ASIC2: variants seen among roughly 807,000 people sequenced by gnomAD.
The protein encoded by ASIC2 is acid sensing ion channel subunit 2.
Under a neutral mutation model 57.3 loss-of-function variants are expected in ASIC2, and 25 were observed. That is an observed-to-expected ratio of 0.44 (90% confidence interval 0.32 to 0.61). The LOEUF is 0.61. Among genes scored for constraint, ASIC2 ranks in the 20% least tolerant of loss-of-function variants. ASIC2 has a pLI of 0.06. For synonymous variants in ASIC2, 319 were observed against 307.5 expected, an observed-to-expected ratio of 1.04 and a Z score of -0.39; for missense variants, 641 against 738.1, an observed-to-expected ratio of 0.87 and a Z score of 1.52.
chr17:33,691,834 T>G (rs1388015608), intron 1 of ASIC2, among the ~76,000 whole-genome samples: 3 of 152,286 alleles, frequency 2.0e-5, no homozygotes, highest in African/African-American at 7.2e-5. Context: ...TGTGTGTGTG[T>G]GTGTCTGTGT....
At chr17:34,095,633 T>TTATATA (rs796194067) in intron 1 of ASIC2, among the ~76,000 whole-genome samples, 25 of 98,164 alleles carry the variant, frequency 2.5e-4, no homozygotes, top group African/African-American at 7.5e-4. Flanking sequence ...ATATATAATT[T>TTATATA]TATATATATA....
rs180893148 is a variant in ASIC2, at chr17:33,727,368, C to T, written c.555+428610G>A. Among the ~76,000 whole-genome samples, 400 of 152,264 alleles carry T rather than the reference C, an allele frequency of 2.6e-3. 1 individual carries two copies. The highest frequency in any genetic ancestry group is 9.2e-3 in the African/African-American group (381 of 41,546). The stretch of plus-strand genomic sequence containing the variant: ...TCAGTTTTACAACAACAGCTATCAG[C>T]AGAAAGAAGTATAAATGGTCCGATT... On this transcript the variant is annotated intron_variant, in intron 1 of 9. Transcript: ENST00000359872.
chr17:33,859,379 G>A (rs1004252242), intron 1 of ASIC2, among the ~76,000 whole-genome samples: 37 of 152,142 alleles, frequency 2.4e-4, no homozygotes, highest in African/African-American at 8.9e-4. Flanking sequence ...AAGAAAGGAG[G>A]AAATGAGGAA....
chr17:33,486,845 A>C (rs1913590504), intron 1 of ASIC2, among the ~76,000 whole-genome samples: 1 of 152,090 alleles, frequency 6.6e-6, no homozygotes, highest in Non-Finnish European at 1.5e-5. Context: ...TGTTGTTCTG[A>C]AGACAGGAGG....
chr17:33,589,478 C>A (rs1904757944), intron 1 of ASIC2, among the ~76,000 whole-genome samples: 1 of 152,180 alleles, frequency 6.6e-6, no homozygotes. Context: ...AACCACTCAT[C>A]ATCCCAGACA....
intron 1 of ASIC2, among the ~76,000 whole-genome samples, chr17:33,341,265 C>T (rs320640): frequency 0.47 from 72,075 of 151,980 alleles, 17,839 homozygotes; most frequent in South Asian, 0.61. Context: ...TTAACATGAA[C>T]GCTTTCCCCA....
intron 1 of ASIC2, among the ~76,000 whole-genome samples, chr17:33,277,775 C>T (rs1904764850): frequency 6.6e-6 from 1 of 152,126 alleles, no homozygotes; most frequent in African/African-American, 2.4e-5. Flanking sequence ...GCAGTTTTTT[C>T]CCATTCACTT....
chr17:33,949,042 C>T (rs1399555958), intron 1 of ASIC2, among the ~76,000 whole-genome samples: 1 of 151,996 alleles, frequency 6.6e-6, no homozygotes, highest in African/African-American at 2.4e-5. Flanking sequence ...TGGACATCTA[C>T]ATTTGAGTTT....
chr17:33,472,608 A>T (rs760407673), intron 1 of ASIC2, among the ~76,000 whole-genome samples: 31 of 152,164 alleles, frequency 2.0e-4, no homozygotes, highest in Non-Finnish European at 2.4e-4. Context: ...CCCAAAGTGG[A>T]GATGATAACC....
chr17:33,352,479 C>T lies in ASIC2; in HGVS notation c.556-240412G>A, dbSNP rs545861482. Reference sequence around the variant, plus strand: ...GCCTGGGCTGACTAACATGGCTCTCCCTGCTTTTGTAAAATGAGAAGCTTT... The same window carrying T: ...GCCTGGGCTGACTAACATGGCTCTCTCTGCTTTTGTAAAATGAGAAGCTTT... On this transcript the variant is annotated intron_variant, in intron 1 of 9. Coordinates refer to the ASIC2 transcript ENST00000359872. Among the ~76,000 whole-genome samples the T allele has an allele frequency of 2.6e-5, 4 of 152,258 alleles. No individual in the cohort carries two copies. The South Asian group carries it at 8.3e-4, about 32-fold the overall frequency.
chr17:33,405,820 G>T (rs1375622326), intron 1 of ASIC2, among the ~76,000 whole-genome samples: 1 of 152,100 alleles, frequency 6.6e-6, no homozygotes, highest in Admixed American at 6.5e-5. Flanking sequence ...AACCAGTTCA[G>T]AGCCCATACC....
intron 1 of ASIC2, among the ~76,000 whole-genome samples, chr17:33,168,274 G>A (rs1597613448): frequency 6.6e-6 from 1 of 152,178 alleles, no homozygotes; most frequent in Admixed American, 6.5e-5. Flanking sequence ...GCCAAAGAGT[G>A]GCACTGTTGC....
intron 1 of ASIC2, among the ~76,000 whole-genome samples, chr17:33,202,910 C>A (rs1226329092): frequency 1.3e-5 from 2 of 152,158 alleles, no homozygotes; most frequent in African/African-American, 4.8e-5. Context: ...CCGGGGACCA[C>A]CCTGCTCCAT....
intron 1 of ASIC2, among the ~76,000 whole-genome samples, chr17:33,953,667 G>A (rs999330897): frequency 6.6e-6 from 1 of 152,094 alleles, no homozygotes; most frequent in African/African-American, 2.4e-5. Context: ...AAGATCCAGG[G>A]AAATTTCAAC....
At chr17:34,109,551 T>C (rs1911192691) in intron 1 of ASIC2, among the ~76,000 whole-genome samples, 1 of 152,222 alleles carries the variant, frequency 6.6e-6, no homozygotes, top group East Asian at 1.9e-4. Flanking sequence ...TGCCAGTTTA[T>C]ACTTTCATCA....
intron 1 of ASIC2, among the ~76,000 whole-genome samples, chr17:33,289,178 C>A (rs1419758464): frequency 2.0e-5 from 3 of 152,190 alleles, no homozygotes; most frequent in African/African-American, 4.8e-5. Flanking sequence ...GGAACACATA[C>A]CTTTGGGGAA....
At chr17:33,521,671 C>G (rs976300324) in intron 1 of ASIC2, among the ~76,000 whole-genome samples, 1 of 152,124 alleles carries the variant, frequency 6.6e-6, no homozygotes, top group South Asian at 2.1e-4. Flanking sequence ...GTCTACAGTG[C>G]GGGTGGATTT....
intron 1 of ASIC2, among the ~76,000 whole-genome samples, chr17:33,890,524 A>T (rs2141946785): frequency 6.6e-6 from 1 of 152,338 alleles, no homozygotes; most frequent in South Asian, 2.1e-4. Flanking sequence ...GCACACAAAG[A>T]GGAGGTGGCA....
chr17:33,218,819 T>C (rs1274757234), intron 1 of ASIC2, among the ~76,000 whole-genome samples: 4 of 151,554 alleles, frequency 2.6e-5, no homozygotes, highest in African/African-American at 9.7e-5. Flanking sequence ...CTCCTTCCAC[T>C]CTCCTCTCCT....
Sources: gnomAD v4.1 joint callset for allele counts (sites outside exome capture counted in the v4.1 genomes callset) on GRCh38, gnomAD v4.1.1 for gene constraint, MANE v1.5 for transcripts, NCBI Gene and HGNC (gene_info 2026-07-23, HGNC 2026-07-21) for gene names.